The following NIPBL variants were observed in gnomAD, a reference collection of about 807,000 sequenced individuals.
NIPBL encodes the protein NIPBL cohesin loading factor, also known as nipped-B-like protein.
In NIPBL, 19 loss-of-function variants were observed where a neutral mutation model predicts 321.8. The ratio of observed to expected loss-of-function variants is 0.06; its 90% confidence interval spans 0.04 to 0.09. The LOEUF is 0.09. NIPBL is among the 10% of genes least tolerant of loss of function. The pLI is 1.00. For synonymous variants in NIPBL, 1,106 were observed against 1,114.1 expected, an observed-to-expected ratio of 0.99 and a Z score of 0.14; for missense variants, 2,210 against 3,327.0, an observed-to-expected ratio of 0.66 and a Z score of 8.26.
intron 8 of NIPBL, among the ~76,000 whole-genome samples, chr5:36,974,378 G>T (rs953981700): frequency 6.6e-6 from 1 of 152,134 alleles, no homozygotes; most frequent in South Asian, 2.1e-4. Flanking sequence ...AGAATTTGAA[G>T]TTTGTTCTAA....
intron 1 of NIPBL, among the ~76,000 whole-genome samples, chr5:36,932,205 C>G (rs1334815409): frequency 1.3e-5 from 2 of 152,136 alleles, no homozygotes; most frequent in Non-Finnish European, 2.9e-5. Context: ...GCTTAAAAGG[C>G]ATTGAGTATT....
intron 1 of NIPBL, among the ~76,000 whole-genome samples, chr5:36,907,307 T>C (rs1176274230): frequency 2.0e-5 from 3 of 152,292 alleles, no homozygotes; most frequent in African/African-American, 7.2e-5. Flanking sequence ...TTGTAAGATA[T>C]TTTGTTAGGT....
At position 37,065,090 on chromosome 5, in the gene NIPBL, A is replaced by T; in HGVS notation, c.*198A>T. The T allele has an allele frequency of 1.6e-6, 1 of 635,850 alleles. No homozygotes were observed. Among genetic ancestry groups the T allele is most frequent in the South Asian group, 2.0e-5 (1 of 50,868 alleles). 39.4% of individuals were successfully genotyped at this position (635,850 alleles called of 1,614,324 possible). A position where few individuals can be genotyped will look rare whatever the true frequency, so the allele number is the denominator to read the frequency against. ...TGTTGTGCAGCAGAAACAGATTCTC[A>T]GTTCATTTTTACTCCCACTGTATTA... On this transcript the variant is annotated 3_prime_UTR_variant, in exon 47 of 47. Transcript: ENST00000282516.
rs1327045367 is a variant in NIPBL, at chr5:37,022,274, T to C, written c.5458T>C (p.Leu1820=). 7 of 1,614,026 alleles carry C rather than the reference T, an allele frequency of 4.3e-6. No homozygotes were observed. In the Admixed American group the frequency reaches 6.7e-5, roughly 15 times the overall value. ...TATGCAACGAGGTGTTCATGGACGA[T>C]TGATGGATAATTCGACTAGTGTCCG... The part of the protein sequence containing the change: ...LDMQRGVHGR[L]MDNSTSVREA... Residue 1820 remains leucine, a synonymous_variant, in exon 29 of 47, where the codon TTG becomes CTG. Transcript: ENST00000282516.
intron 1 of NIPBL, among the ~76,000 whole-genome samples, chr5:36,953,138 G>T (rs546496066): frequency 1.3e-5 from 2 of 152,256 alleles, no homozygotes; most frequent in East Asian, 3.9e-4. Flanking sequence ...GGTTGGAGAG[G>T]GTGGTTTATA....
rs1417364991 is a variant in NIPBL, at chr5:37,052,497, G to A, written c.7194G>A (p.Met2398Ile). The A allele has an allele frequency of 1.2e-6, 2 of 1,614,050 alleles. No homozygotes were observed. The highest frequency in any genetic ancestry group is 1.7e-6 in the Non-Finnish European group (2 of 1,179,998). The change falls in exon 42 of 47, where the codon ATG (methionine) becomes ATA (isoleucine). Residue 2398 changes from methionine (M) to isoleucine (I), a missense_variant. Met to Ile is a conservative substitution (Grantham distance 10, BLOSUM62 1). This residue lies in a region of NIPBL where 112 missense variants were observed against 288.3 expected (regional missense o/e 0.39). Coordinates refer to ENST00000282516, the MANE Select transcript of NIPBL (RefSeq NM_133433.4). ...CTTTGTGTTCACACCTTTACTCCAT[G>A]ATCCGTGGAAACCGCCAACACAGAC... ...SSALCSHLYS[M>I]IRGNRQHRRA...
chr5:37,014,220 T>TGGAGAG (rs1325351078), intron 21 of NIPBL, among the ~76,000 whole-genome samples: 8 of 149,124 alleles, frequency 5.4e-5, no homozygotes, highest in South Asian at 2.1e-4. Flanking sequence ...AGGGAGACCG[T>TGGAGAG]GGAGAGGGAG....
At chr5:37,019,174 G>GT in intron 24 of NIPBL, 137 bp from the exon 25 acceptor site, 1 of 671,304 alleles carries the variant, frequency 1.5e-6, no homozygotes, top group East Asian at 2.8e-5. Flanking sequence ...ATATTTTTCT[G>GT]TTTTTTCCTT....
chr5:36,908,776 G>A (rs1747834497), intron 1 of NIPBL, among the ~76,000 whole-genome samples: 1 of 152,170 alleles, frequency 6.6e-6, no homozygotes, highest in African/African-American at 2.4e-5. Context: ...GTACCAGTAA[G>A]CCACAGTATT....
intron 1 of NIPBL, among the ~76,000 whole-genome samples, chr5:36,894,741 G>T (rs374886291): frequency 1.6e-3 from 242 of 152,234 alleles, no homozygotes; most frequent in African/African-American, 5.5e-3. Flanking sequence ...CAGTTCACTT[G>T]ATCTTTTCTA....
rs149657892 is a variant in NIPBL at position 37,034,440 on chromosome 5, C to A, written c.5863-1939C>A. Reference sequence around the variant, plus strand: ...GCATATTTGCATCAGGAGGCATATACAAGAGTGCTTATTGTACTAAAATTG... The same window carrying A: ...GCATATTTGCATCAGGAGGCATATAAAAGAGTGCTTATTGTACTAAAATTG... On this transcript the variant is annotated intron_variant, in intron 32 of 46. Coordinates refer to ENST00000282516, the MANE Select transcript of NIPBL (RefSeq NM_133433.4). Among the ~76,000 whole-genome samples the A allele has an allele frequency of 5.7e-3, 870 of 152,196 alleles. 9 individuals are homozygous for A. Among genetic ancestry groups the A allele is most frequent in the Non-Finnish European group, 0.01 (686 of 67,998 alleles).
intron 31 of NIPBL, 60 bp downstream of exon 31, chr5:37,026,387 A>T: frequency 1.1e-6 from 1 of 902,642 alleles, no homozygotes; most frequent in South Asian, 1.4e-5. Context: ...TGAGGCCTAC[A>T]TGTCTTATGA....
chr5:36,930,437 A>G (rs1353301845), intron 1 of NIPBL, among the ~76,000 whole-genome samples: 1 of 151,764 alleles, frequency 6.6e-6, no homozygotes, highest in Admixed American at 6.6e-5. Context: ...TTTTGATTCT[A>G]GTTGTTCGTT....
At chr5:36,935,617 T>C (rs1281958746) in intron 1 of NIPBL, among the ~76,000 whole-genome samples, 1 of 152,176 alleles carries the variant, frequency 6.6e-6, no homozygotes, top group Non-Finnish European at 1.5e-5. Flanking sequence ...TCAGTTCTTT[T>C]TGTTCTTAGA....
intron 6 of NIPBL, among the ~76,000 whole-genome samples, chr5:36,964,574 A>G (rs1395676042): frequency 6.6e-6 from 1 of 152,164 alleles, no homozygotes; most frequent in Non-Finnish European, 1.5e-5. Context: ...ACATGAAACT[A>G]CTAGAAGAAA....
intron 22 of NIPBL, among the ~76,000 whole-genome samples, chr5:37,015,324 G>C (rs922277265): frequency 6.6e-6 from 1 of 151,988 alleles, no homozygotes; most frequent in Non-Finnish European, 1.5e-5. Context: ...GGGTTTCCCC[G>C]TGTTGGTTAG....
chr5:36,969,194 A>G (rs1742580287), intron 6 of NIPBL, among the ~76,000 whole-genome samples: 1 of 152,226 alleles, frequency 6.6e-6, no homozygotes, highest in Non-Finnish European at 1.5e-5. Context: ...CTTCATGGAT[A>G]GGAAGACTCA....
intron 11 of NIPBL, among the ~76,000 whole-genome samples, chr5:36,997,862 AGCATTAT>A (rs1746320007): frequency 6.6e-6 from 1 of 152,142 alleles, no homozygotes; most frequent in Non-Finnish European, 1.5e-5. Flanking sequence ...TTAAGTTGCA[AGCATTAT>A]GCTGCTGAGA....
intron 1 of NIPBL, among the ~76,000 whole-genome samples, chr5:36,918,568 A>G (rs55702678): frequency 0.017 from 2,661 of 152,198 alleles, 34 homozygotes; most frequent in Middle Eastern, 0.044. Flanking sequence ...TATGTTGAAT[A>G]GGAGTGGTGA....
Sources: gnomAD v4.1 joint callset for allele counts (sites outside exome capture counted in the v4.1 genomes callset) on GRCh38, gnomAD v4.1.1 for gene constraint, gnomAD v4.1.1 regional missense constraint, MANE v1.5 for transcripts, NCBI Gene and HGNC (gene_info 2026-07-23, HGNC 2026-07-21) for gene names.